Variants in PTPRD observed in about 807,000 individuals in gnomAD.
PTPRD encodes receptor-type tyrosine-protein phosphatase delta.
In PTPRD, 34 loss-of-function variants were observed where a neutral mutation model predicts 214.5. The observed-to-expected ratio is 0.16, with a 90% CI of 0.12 to 0.21. The LOEUF (loss-of-function observed/expected upper bound fraction) is 0.21. PTPRD is among the 10% of genes least tolerant of loss of function. The pLI, the probability that PTPRD is intolerant of heterozygous loss-of-function variation, is 1.00. For missense variants in PTPRD, 2,545 were observed against 2,398.7 expected, an observed-to-expected ratio of 1.06 and a Z score of -1.27; for synonymous variants, 1,128 against 845.7, an observed-to-expected ratio of 1.33 and a Z score of -5.79.
intron 5 of PTPRD, among the ~76,000 whole-genome samples, chr9:9,778,714 C>A (rs544996445): frequency 6.6e-6 from 1 of 152,208 alleles, no homozygotes; most frequent in Non-Finnish European, 1.5e-5. Context: ...TCCTGGTGAC[C>A]GAGAATTACA....
At chr9:10,110,829 T>C (rs2098684800) in intron 3 of PTPRD, among the ~76,000 whole-genome samples, 1 of 152,242 alleles carries the variant, frequency 6.6e-6, no homozygotes, top group Admixed American at 6.5e-5. Context: ...AGGTAGAATT[T>C]ATTATGAGAC....
chr9:9,601,541 T>G (rs1188769874), intron 7 of PTPRD, among the ~76,000 whole-genome samples: 5 of 152,096 alleles, frequency 3.3e-5, no homozygotes, highest in Non-Finnish European at 5.9e-5. Context: ...CTATTATTTT[T>G]GGAAGAATGG....
At chr9:8,514,850 T>C (rs376018477) in intron 21 of PTPRD, among the ~76,000 whole-genome samples, 34 of 152,268 alleles carry the variant, frequency 2.2e-4, no homozygotes, top group East Asian at 1.2e-3. Flanking sequence ...TGGGAGGTGA[T>C]TGAACAATGG....
intron 3 of PTPRD, among the ~76,000 whole-genome samples, chr9:10,330,624 C>A (rs926980337): frequency 2.6e-5 from 4 of 151,424 alleles, no homozygotes; most frequent in South Asian, 2.1e-4. Context: ...TAAATTCATT[C>A]CCTAAATGGT....
chr9:8,635,407 T>C (rs2096399627), intron 13 of PTPRD, among the ~76,000 whole-genome samples: 1 of 151,894 alleles, frequency 6.6e-6, no homozygotes, highest in East Asian at 1.9e-4. Flanking sequence ...ACAGGAAACA[T>C]TTTCCAAATA....
intron 30 of PTPRD, among the ~76,000 whole-genome samples, chr9:8,472,986 T>G (rs1253453201): frequency 1.3e-5 from 2 of 152,128 alleles, no homozygotes; most frequent in Non-Finnish European, 2.9e-5. Flanking sequence ...CTCAGCACAG[T>G]GTGTGTGGCA....
chr9:9,404,223 T>C (rs1481278272), intron 8 of PTPRD, among the ~76,000 whole-genome samples: 2 of 152,026 alleles, frequency 1.3e-5, no homozygotes, highest in Non-Finnish European at 2.9e-5. Context: ...TTTTAAGAAG[T>C]TGAGTGACAT....
intron 5 of PTPRD, among the ~76,000 whole-genome samples, chr9:9,922,174 C>T (rs1158943937): frequency 6.6e-6 from 1 of 152,054 alleles, no homozygotes; most frequent in African/African-American, 2.4e-5. Flanking sequence ...TTAGAAGGCA[C>T]GAATGAACTG....
chr9:8,490,732 A>C (rs1225958809), intron 27 of PTPRD, among the ~76,000 whole-genome samples: 1 of 152,194 alleles, frequency 6.6e-6, no homozygotes, highest in Non-Finnish European at 1.5e-5. Flanking sequence ...CCTTGAGGTT[A>C]TATGAATCTT....
chr9:10,115,134 C>A (rs140197524), intron 3 of PTPRD, among the ~76,000 whole-genome samples: 1 of 151,492 alleles, frequency 6.6e-6, no homozygotes, highest in Non-Finnish European at 1.5e-5. Flanking sequence ...AGTAAAAATA[C>A]GAGGATTAAA....
intron 7 of PTPRD, among the ~76,000 whole-genome samples, chr9:9,599,073 A>G (rs10977858): frequency 0.14 from 21,158 of 152,062 alleles, 1,661 homozygotes; most frequent in Middle Eastern, 0.21. Context: ...ATCTAACCAC[A>G]TCATAATAAG....
At chr9:9,402,551 C>G (rs10759060) in intron 8 of PTPRD, among the ~76,000 whole-genome samples, 135,921 of 152,080 alleles carry the variant, frequency 0.89, 61,032 homozygotes, top group African/African-American at 0.97. Flanking sequence ...CTGTTAAGTA[C>G]AAGCTCAAAT....
At chr9:9,176,989 T>A (rs917511077) in intron 10 of PTPRD, among the ~76,000 whole-genome samples, 2 of 152,152 alleles carry the variant, frequency 1.3e-5, no homozygotes, top group African/African-American at 4.8e-5. Context: ...GTTTTTTCTG[T>A]CTGTATATCC....
chr9:8,487,320 T>A (rs192308440), intron 27 of PTPRD, among the ~76,000 whole-genome samples: 8 of 152,284 alleles, frequency 5.3e-5, no homozygotes. Context: ...AATCTACTCA[T>A]TCAATGTATT....
chr9:8,784,581 C>T (rs1291042656), intron 11 of PTPRD, among the ~76,000 whole-genome samples: 1 of 152,160 alleles, frequency 6.6e-6, no homozygotes, highest in Non-Finnish European at 1.5e-5. Context: ...TTTAATTAAA[C>T]AGCGTCAGAA....
At chr9:10,255,853 C>CA (rs2093219842) in intron 3 of PTPRD, among the ~76,000 whole-genome samples, 1 of 152,092 alleles carries the variant, frequency 6.6e-6, no homozygotes, top group Non-Finnish European at 1.5e-5. Flanking sequence ...AACTAAGACA[C>CA]AAACACACAT....
chr9:8,999,885 G>A (rs1326105227), intron 11 of PTPRD, among the ~76,000 whole-genome samples: 3 of 152,056 alleles, frequency 2.0e-5, no homozygotes, highest in Admixed American at 2.0e-4. Flanking sequence ...GACAGATAAA[G>A]AAAAATAAAT....
At chr9:10,003,849 C>T (rs532847581) in intron 4 of PTPRD, among the ~76,000 whole-genome samples, 3 of 151,430 alleles carry the variant, frequency 2.0e-5, no homozygotes, top group African/African-American at 7.2e-5. Context: ...TTTTTTAATA[C>T]CCTAATGGCC....
At chr9:8,957,564 C>T (rs749019248) in intron 11 of PTPRD, among the ~76,000 whole-genome samples, 11 of 151,742 alleles carry the variant, frequency 7.2e-5, no homozygotes, top group African/African-American at 1.7e-4. Flanking sequence ...ATTTATTTTG[C>T]GGCACCATAC....
Sources: allele counts gnomAD v4.1 joint callset (sites outside exome capture counted in the v4.1 genomes callset), GRCh38; gene constraint gnomAD v4.1.1; transcripts MANE v1.5; gene names NCBI Gene and HGNC (gene_info 2026-07-23, HGNC 2026-07-21).